Variants in FSTL4 observed in about 807,000 individuals in gnomAD.
FSTL4 encodes the protein follistatin-related protein 4.
Under a neutral mutation model 78.2 loss-of-function variants are expected in FSTL4, and 28 were observed. The observed-to-expected ratio is 0.36, with a 90% confidence interval of 0.27 to 0.49. FSTL4 has a LOEUF of 0.49. Among genes scored for constraint, FSTL4 ranks in the 20% least tolerant of loss-of-function variants. The pLI is 0.98. For missense variants in FSTL4, 922 were observed against 1,084.9 expected (o/e 0.85, Z 2.11); for synonymous variants, 422 against 440.5 (o/e 0.96, Z 0.53).
chr5:133,661,114 C>G, the FSTL4 span, among the ~76,000 whole-genome samples: 1 of 152,218 alleles, frequency 6.6e-6, no homozygotes, highest in Non-Finnish European at 1.5e-5. Context: ...CCTCAGCCTC[C>G]CAAGTAGCTG....
intron 3 of FSTL4, among the ~76,000 whole-genome samples, chr5:133,411,454 T>C (rs1233179837): frequency 6.6e-6 from 1 of 152,152 alleles, no homozygotes; most frequent in African/African-American, 2.4e-5. Flanking sequence ...AGGTTAAGAA[T>C]ATCAGGGCAA....
chr5:133,677,180 G>A, the FSTL4 span, among the ~76,000 whole-genome samples: 332 of 152,278 alleles, frequency 2.2e-3, 2 homozygotes, highest in Middle Eastern at 0.014. Context: ...ATACAGGATC[G>A]TTCACACACA....
intron 7 of FSTL4, among the ~76,000 whole-genome samples, chr5:133,233,754 A>C (rs1751572641): frequency 6.6e-6 from 1 of 152,092 alleles, no homozygotes; most frequent in Non-Finnish European, 1.5e-5. Context: ...GCATCTGTTT[A>C]AGGCCTTGTG....
intron 7 of FSTL4, among the ~76,000 whole-genome samples, chr5:133,238,340 G>T (rs902948733): frequency 6.6e-6 from 1 of 152,124 alleles, no homozygotes; most frequent in African/African-American, 2.4e-5. Context: ...AGCAAAGGGG[G>T]GGTCTCTCCC....
At chr5:133,774,549 C>T in the FSTL4 span, among the ~76,000 whole-genome samples, 1 of 152,202 alleles carries the variant, frequency 6.6e-6, no homozygotes. Context: ...ATCTAAGACA[C>T]TGATACATGG....
chr5:133,280,774 C>T (rs982370685), intron 6 of FSTL4, among the ~76,000 whole-genome samples: 1 of 152,220 alleles, frequency 6.6e-6, no homozygotes, highest in Non-Finnish European at 1.5e-5. Flanking sequence ...CCTGGCCCTC[C>T]ACATTCCAGC....
intron 2 of FSTL4, among the ~76,000 whole-genome samples, chr5:133,601,686 CT>C (rs1325674595): frequency 4.7e-4 from 62 of 131,938 alleles, no homozygotes; most frequent in South Asian, 5.2e-4. Context: ...TTCTTTCTTT[CT>C]TTTTTTTTTT....
At chr5:133,772,927 A>G in the FSTL4 span, among the ~76,000 whole-genome samples, 1 of 152,168 alleles carries the variant, frequency 6.6e-6, no homozygotes, top group African/African-American at 2.4e-5. Flanking sequence ...TACGTAACTA[A>G]TTAAAAAGAA....
intron 3 of FSTL4, among the ~76,000 whole-genome samples, chr5:133,500,406 T>G (rs1758468299): frequency 6.6e-6 from 1 of 152,216 alleles, no homozygotes; most frequent in Non-Finnish European, 1.5e-5. Flanking sequence ...TAATGAGATC[T>G]AAGGTATCGG....
At chr5:133,646,896 A>AT in the FSTL4 span, among the ~76,000 whole-genome samples, 1 of 151,972 alleles carries the variant, frequency 6.6e-6, no homozygotes, top group Non-Finnish European at 1.5e-5. Context: ...AAGCTGTACC[A>AT]TTTTCGTCGT....
the FSTL4 span, among the ~76,000 whole-genome samples, chr5:133,645,064 TG>T: frequency 6.6e-6 from 1 of 152,138 alleles, no homozygotes; most frequent in African/African-American, 2.4e-5. Context: ...CATGACCCTT[TG>T]GTTTTTTTCT....
chr5:133,457,710 A>G (rs1757519974), intron 3 of FSTL4: 1 of 152,268 alleles, frequency 6.6e-6, no homozygotes, highest in Admixed American at 6.5e-5. Context: ...CAGCATCTCA[A>G]GTCTGCATTG....
At chr5:133,363,974 T>C (rs1465475232) in intron 4 of FSTL4, among the ~76,000 whole-genome samples, 1 of 152,182 alleles carries the variant, frequency 6.6e-6, no homozygotes, top group Non-Finnish European at 1.5e-5. Context: ...ACTTGCCACT[T>C]TGCAATAACT....
At chr5:133,456,688 AAAAACAAAAC>A (rs113400855) in intron 3 of FSTL4, among the ~76,000 whole-genome samples, 39 of 151,964 alleles carry the variant, frequency 2.6e-4, no homozygotes, top group Middle Eastern at 3.4e-3. Context: ...TTGTACTTAA[AAAAACAAAAC>A]AAAACAAAAC....
At chr5:133,374,155 T>A (rs1046324426) in intron 4 of FSTL4, among the ~76,000 whole-genome samples, 1 of 152,202 alleles carries the variant, frequency 6.6e-6, no homozygotes, top group South Asian at 2.1e-4. Flanking sequence ...GGCTTCCCTA[T>A]CCTCCTCCAA....
chr5:133,226,575 T>C (rs779379976), intron 8 of FSTL4, among the ~76,000 whole-genome samples: 12 of 152,358 alleles, frequency 7.9e-5, no homozygotes, highest in Non-Finnish European at 1.6e-4. Context: ...GTCCAGGAGA[T>C]AAGTATCATT....
At chr5:133,327,555 G>A (rs898521775) in intron 4 of FSTL4, among the ~76,000 whole-genome samples, 2 of 152,178 alleles carry the variant, frequency 1.3e-5, no homozygotes, top group African/African-American at 4.8e-5. Flanking sequence ...GAGGGTGCCC[G>A]CCTCTCAGCC....
chr5:133,659,486 A>G, the FSTL4 span, among the ~76,000 whole-genome samples: 1 of 151,298 alleles, frequency 6.6e-6, no homozygotes, highest in Non-Finnish European at 1.5e-5. Context: ...TTTGGTTTTT[A>G]TCTTGATTGC....
At chr5:133,629,614 G>T in the FSTL4 span, among the ~76,000 whole-genome samples, 1 of 152,296 alleles carries the variant, frequency 6.6e-6, no homozygotes, top group Non-Finnish European at 1.5e-5. Flanking sequence ...CCAAACAATA[G>T]AAATAGAGGG....
Sources: allele counts gnomAD v4.1 joint callset (sites outside exome capture counted in the v4.1 genomes callset), GRCh38; gene constraint gnomAD v4.1.1; transcripts MANE v1.5; gene names NCBI Gene and HGNC (gene_info 2026-07-23, HGNC 2026-07-21).